PTPRN2: variants seen among roughly 807,000 people sequenced by gnomAD.
PTPRN2 encodes the protein protein tyrosine phosphatase receptor type N2.
A neutral mutation model predicts 118.8 loss-of-function variants in PTPRN2; 74 were observed. The ratio of observed to expected loss-of-function variants is 0.62; its 90% CI spans 0.52 to 0.76. The LOEUF (loss-of-function observed/expected upper bound fraction) is 0.76. Ranked by LOEUF, PTPRN2 falls within the 30% of genes least tolerant of loss-of-function variation. The probability of loss-of-function intolerance (pLI) is 0.00; values close to 1 mark genes in which losing one functional copy is unlikely to be tolerated. For synonymous variants in PTPRN2, 641 were observed against 608.0 expected, an observed-to-expected ratio of 1.05 and a Z score of -0.80; for missense variants, 1,481 against 1,394.4, an observed-to-expected ratio of 1.06 and a Z score of -0.99.
chr7:158,206,535 C>T (rs1827161847), intron 3 of PTPRN2, among the ~76,000 whole-genome samples: 1 of 152,208 alleles, frequency 6.6e-6, no homozygotes, highest in East Asian at 1.9e-4. Flanking sequence ...GTGCTTGTGT[C>T]ACCCGTCACC....
At chr7:158,071,076 T>A (rs1259339988) in intron 11 of PTPRN2, among the ~76,000 whole-genome samples, 11 of 86,362 alleles carry the variant, frequency 1.3e-4, no homozygotes, top group African/African-American at 5.2e-4. Context: ...CTCGTGGTGG[T>A]GGAGGTGCCC....
At chr7:158,390,028 C>T (rs1448569317) in intron 2 of PTPRN2, among the ~76,000 whole-genome samples, 1 of 152,214 alleles carries the variant, frequency 6.6e-6, no homozygotes, top group East Asian at 1.9e-4. Context: ...CAGGAGGATC[C>T]TACGGAGGGA....
Position 158,509,157 on chromosome 7 carries a change from A to G in PTPRN2, c.113-19372T>C, listed in dbSNP as rs1822998516. 6.6e-6 allele frequency among the ~76,000 whole-genome samples: 1 copy of G among 152,134 alleles called. No individual in the cohort carries two copies. Among genetic ancestry groups the G allele is most frequent in the South Asian group, 2.1e-4 (1 of 4,820 alleles). ...AGCTTCTGTTGAAGAGAGAGGCGCC[A>G]CACACAGCCTCCACGCAGCCTCCAC... On this transcript the variant is annotated intron_variant, in intron 1 of 22. Coordinates refer to ENST00000389418, the MANE Select transcript of PTPRN2 (RefSeq NM_002847.5). The surrounding 1 kb of genome is among the most constrained non-coding windows in gnomAD (Gnocchi z 4.4).
At chr7:158,399,447 T>A (rs1252859854) in intron 2 of PTPRN2, among the ~76,000 whole-genome samples, 1 of 152,072 alleles carries the variant, frequency 6.6e-6, no homozygotes, top group African/African-American at 2.4e-5. Flanking sequence ...AGTCCAAGAG[T>A]TTGAGAACAG....
chr7:158,320,766 A>G (rs1471355034), intron 2 of PTPRN2, among the ~76,000 whole-genome samples: 2 of 152,204 alleles, frequency 1.3e-5, no homozygotes, highest in Admixed American at 6.5e-5. Flanking sequence ...ATACTCAGCA[A>G]TAAGGCTTGT....
At chr7:157,922,716 A>G (rs1266631808) in intron 11 of PTPRN2, among the ~76,000 whole-genome samples, 3 of 152,168 alleles carry the variant, frequency 2.0e-5, no homozygotes, top group Admixed American at 2.0e-4. Flanking sequence ...AATCGTCTTT[A>G]TTATTCATTA....
intron 2 of PTPRN2, among the ~76,000 whole-genome samples, chr7:158,406,678 C>A (rs1256796229): frequency 6.6e-6 from 1 of 152,244 alleles, no homozygotes; most frequent in Admixed American, 6.5e-5. Context: ...TGAGACCTGC[C>A]CTGTTCACAC....
chr7:158,406,601 C>T (rs1267371968), intron 2 of PTPRN2, among the ~76,000 whole-genome samples: 1 of 152,230 alleles, frequency 6.6e-6, no homozygotes, highest in Non-Finnish European at 1.5e-5. Context: ...TGGAAGCCTC[C>T]CCAGTCTCTC....
intron 9 of PTPRN2, among the ~76,000 whole-genome samples, chr7:158,121,739 G>C (rs112290031): frequency 1.8e-4 from 28 of 152,262 alleles, no homozygotes; most frequent in African/African-American, 6.0e-4. Context: ...TTGTGAACCC[G>C]CTGCCTCCAC....
Position 158,306,832 on chromosome 7 carries a change from A to G in PTPRN2, c.277+9987T>C, listed in dbSNP as rs370279938. Among the ~76,000 whole-genome samples the G allele has an allele frequency of 4.6e-5, 7 of 151,924 alleles. 1 individual carries two copies. In the South Asian group the frequency reaches 1.5e-3, roughly 32 times the overall value. On this transcript the variant is annotated intron_variant, in intron 3 of 22. Transcript: ENST00000389418. Reference sequence around the variant, plus strand: ...GGAAGCCAAATGGCTTACAAGACAAAGACTTTAAATGAGCTGTTTTTTGTT... The same window carrying G: ...GGAAGCCAAATGGCTTACAAGACAAGGACTTTAAATGAGCTGTTTTTTGTT...
Position 157,944,270 on chromosome 7 carries a change from CGG to C in PTPRN2, c.1724-45535_1724-45534del, listed in dbSNP as rs1563261925. Among the ~76,000 whole-genome samples, 1 of 152,176 alleles carries C rather than the reference CGG, an allele frequency of 6.6e-6. No individual in the cohort carries two copies. Among genetic ancestry groups the C allele is most frequent in the Non-Finnish European group, 1.5e-5 (1 of 68,038 alleles). On this transcript the variant is annotated intron_variant, in intron 11 of 22. Coordinates refer to ENST00000389418, the MANE Select transcript of PTPRN2 (RefSeq NM_002847.5). This position sits in a 1 kb window ranked among gnomAD's most constrained non-coding sequence, Gnocchi z 4.3. ...CGTCGCGAACGCCAGCCTGCCCCCACGGTCATGTCCAGCTTAACCAACACACG... is the reference window on the plus strand; with the variant it reads ...CGTCGCGAACGCCAGCCTGCCCCCACTCATGTCCAGCTTAACCAACACACG...
At chr7:158,571,634 C>G (rs895991763) in intron 1 of PTPRN2, among the ~76,000 whole-genome samples, 1 of 143,656 alleles carries the variant, frequency 7.0e-6, no homozygotes, top group Non-Finnish European at 1.5e-5. Flanking sequence ...AAGCAGGGGA[C>G]TTGAGGGATC....
chr7:157,612,324 C>G (rs571410521), intron 15 of PTPRN2, among the ~76,000 whole-genome samples: 294 of 105,368 alleles, frequency 2.8e-3, no homozygotes, highest in African/African-American at 0.01. Context: ...GCCACGCTGT[C>G]TGCACGGCTC....
At chr7:158,512,100 A>C (rs1651191227) in intron 1 of PTPRN2, among the ~76,000 whole-genome samples, 1 of 152,222 alleles carries the variant, frequency 6.6e-6, no homozygotes, top group African/African-American at 2.4e-5. Context: ...GCAGACGGTG[A>C]TGACAGAATC....
intron 11 of PTPRN2, among the ~76,000 whole-genome samples, chr7:157,981,582 A>AT (rs33911310): frequency 0.019 from 2,949 of 151,976 alleles, 90 homozygotes; most frequent in African/African-American, 0.068. Context: ...GAGTGATTCC[A>AT]TTTTTTTTTG....
intron 12 of PTPRN2, among the ~76,000 whole-genome samples, chr7:157,825,213 C>T (rs1024910587): frequency 2.4e-4 from 36 of 152,184 alleles, no homozygotes; most frequent in Admixed American, 6.5e-5. Flanking sequence ...GTGCTGCTTT[C>T]AGGGAGTGTC....
intron 22 of PTPRN2, among the ~76,000 whole-genome samples, chr7:157,548,269 A>T (rs1457350241): frequency 6.6e-6 from 1 of 152,164 alleles, no homozygotes; most frequent in Non-Finnish European, 1.5e-5. Flanking sequence ...ACCGAATAAA[A>T]TATAGTGTCC....
intron 1 of PTPRN2, among the ~76,000 whole-genome samples, chr7:158,538,313 C>T (rs933070824): frequency 2.0e-5 from 3 of 152,366 alleles, no homozygotes; most frequent in African/African-American, 7.2e-5. Context: ...GCGCACGCTG[C>T]GCTCCCTCAC....
rs559951879 is a variant in PTPRN2, at chr7:157,831,174, A to C, written c.1788+67499T>G. On this transcript the variant is annotated intron_variant, in intron 12 of 22. Transcript: ENST00000389418. The surrounding 1 kb of genome is among the most constrained non-coding windows in gnomAD (Gnocchi z 4.8). ...ACAGGAAGAGGGACTCCTTGCTGTG[A>C]GCCCAGCTGTGGGGAGGAACTGCTC... Among the ~76,000 whole-genome samples the C allele has an allele frequency of 3.0e-4, 45 of 152,332 alleles. 2 individuals are homozygous for C. The South Asian group carries it at 6.8e-3, about 23-fold the overall frequency.
Sources: allele counts gnomAD v4.1 joint callset (sites outside exome capture counted in the v4.1 genomes callset), GRCh38; gene constraint gnomAD v4.1.1; non-coding constraint Gnocchi (gnomAD v3.1); transcripts MANE v1.5; gene names NCBI Gene and HGNC (gene_info 2026-07-23, HGNC 2026-07-21).